COG5: variants seen among roughly 807,000 people sequenced by gnomAD.
COG5 encodes the protein conserved oligomeric Golgi complex subunit 5.
A neutral mutation model predicts 110.4 loss-of-function variants in COG5; 86 were observed. That is an observed-to-expected ratio of 0.78 (90% CI 0.65 to 0.93). The LOEUF (loss-of-function observed/expected upper bound fraction) is 0.93, where lower values mean the gene tolerates loss of function less well. Among genes scored for constraint, COG5 ranks in the 40% least tolerant of loss-of-function variants. The pLI, the probability that COG5 is intolerant of heterozygous loss-of-function variation, is 0.00. For synonymous variants in COG5, 360 were observed against 334.6 expected (o/e 1.08, Z -0.83); for missense variants, 1,077 against 987.0 (o/e 1.09, Z -1.22).
intron 10 of COG5, among the ~76,000 whole-genome samples, chr7:107,354,352 T>A (rs748618829): frequency 1.3e-5 from 2 of 152,226 alleles, no homozygotes; most frequent in Non-Finnish European, 2.9e-5. Context: ...GTTCAGTTTA[T>A]GAACCCTATA....
intron 11 of COG5, among the ~76,000 whole-genome samples, chr7:107,312,132 T>C (rs919779450): frequency 3.3e-5 from 5 of 152,178 alleles, no homozygotes; most frequent in Non-Finnish European, 5.9e-5. Context: ...GATATTGTTG[T>C]TTGTTTTATA....
At position 107,511,556 on chromosome 7, in the gene COG5, T is replaced by C. The variant is rs544409488; in HGVS notation, c.538+15681A>G. 5.3e-3 allele frequency among the ~76,000 whole-genome samples: 803 copies of C among 152,314 alleles called. 9 individuals carry two copies. The highest frequency in any genetic ancestry group is 0.019 in the African/African-American group (772 of 41,560). On this transcript the variant is annotated intron_variant, in intron 6 of 21. Coordinates refer to ENST00000297135, the MANE Select transcript of COG5 (RefSeq NM_006348.5). ...CCTAACTCACTTTATGAGGCCAGCA[T>C]CATCCTGATACCAAAGCCTGGCAGA...
rs549740444 is a variant in COG5, at chr7:107,221,938, G to A, written c.2168+8677C>T. 5.9e-5 allele frequency among the ~76,000 whole-genome samples: 9 copies of A among 152,178 alleles called. 1 individual carries two copies. The South Asian group carries it at 1.9e-3, about 32-fold the overall frequency. On this transcript the variant is annotated intron_variant, in intron 19 of 21. Coordinates refer to ENST00000297135, the MANE Select transcript of COG5 (RefSeq NM_006348.5). ...GCAATTTAAGTTAGTTTTATGGTTC[G>A]AATATTTACATTTTTCTTTTTTTCT...
At chr7:107,245,285 T>A (rs561879664) in intron 17 of COG5, among the ~76,000 whole-genome samples, 5 of 152,160 alleles carry the variant, frequency 3.3e-5, no homozygotes, top group Non-Finnish European at 7.4e-5. Context: ...CTGGAAGCAA[T>A]CCCCTTGAAA....
At chr7:107,213,314 G>T (rs537995861) in intron 19 of COG5, among the ~76,000 whole-genome samples, 1 of 152,142 alleles carries the variant, frequency 6.6e-6, no homozygotes, top group Non-Finnish European at 1.5e-5. Context: ...GAAGAGAACA[G>T]TGGCTAGACT....
At position 107,208,438 on chromosome 7, in the gene COG5, C is replaced by T. The variant is rs185507253; in HGVS notation, c.2375+2088G>A. 9.8e-5 allele frequency: 97 copies of T among 985,360 alleles called. No individual in the cohort carries two copies. In the African/African-American group the frequency reaches 1.0e-3, roughly 10 times the overall value. 61.0% of individuals were successfully genotyped at this position (985,360 alleles called of 1,614,324 possible). On this transcript the variant is annotated intron_variant, in intron 21 of 21. Transcript: ENST00000297135. ...ATGAACTCATTCCAACTTGTTAAGA[C>T]GACAAAAATGACCAACTTGTTAAGA...
chr7:107,526,383 C>T (rs1190797886), intron 6 of COG5, among the ~76,000 whole-genome samples: 1 of 152,208 alleles, frequency 6.6e-6, no homozygotes, highest in Admixed American at 6.5e-5. Context: ...TTATGAACTG[C>T]TGCATCATGG....
rs1439577856 is a variant in COG5, at chr7:107,256,804, G to A, written c.1687-10C>T. On this transcript the variant is annotated splice_polypyrimidine_tract_variant and intron_variant, in intron 15 of 21. Transcript: ENST00000297135. ...TCTGACTGGAAACAACCTAGAACAA[G>A]GTTTTGATCCAGTTATAGTTTCGCT... 1 of 1,600,658 alleles carries A rather than the reference G, an allele frequency of 6.2e-7. No individual in the cohort carries two copies. The highest frequency in any genetic ancestry group is 2.2e-5 in the East Asian group (1 of 44,738).
chr7:107,409,492 C>T (rs1442615472), intron 7 of COG5, among the ~76,000 whole-genome samples: 1 of 151,770 alleles, frequency 6.6e-6, no homozygotes. Context: ...GAAAAGGAGA[C>T]AGTAAGAGCA....
chr7:107,409,535 A>C (rs1221092405), intron 7 of COG5, among the ~76,000 whole-genome samples: 1 of 152,030 alleles, frequency 6.6e-6, no homozygotes, highest in Non-Finnish European at 1.5e-5. Context: ...AAGTAAACAG[A>C]CTAGGAAATA....
At chr7:107,459,856 T>C (rs150283680) in intron 6 of COG5, among the ~76,000 whole-genome samples, 111 of 151,632 alleles carry the variant, frequency 7.3e-4, no homozygotes, top group South Asian at 2.1e-3. Flanking sequence ...CTAGAGAAGA[T>C]TGTACAATAC....
rs528675056 is a variant in COG5 at position 107,533,954 on chromosome 7, T to C, written c.418-6597A>G. On this transcript the variant is annotated intron_variant, in intron 5 of 21. Transcript: ENST00000297135. Reference sequence around the variant, plus strand: ...ACCCACAAAGGGAAGCCCATCAGACTAACAGCAGATCTCTCTGTAGAAACC... The same window carrying C: ...ACCCACAAAGGGAAGCCCATCAGACCAACAGCAGATCTCTCTGTAGAAACC... Among the ~76,000 whole-genome samples, 39 of 151,770 alleles carry C rather than the reference T, an allele frequency of 2.6e-4. 1 individual carries two copies. Among genetic ancestry groups the C allele is most frequent in the African/African-American group, 9.3e-4 (38 of 41,050 alleles).
At chr7:107,424,505 CTT>C (rs11376252) in intron 6 of COG5, among the ~76,000 whole-genome samples, 4 of 136,046 alleles carry the variant, frequency 2.9e-5, no homozygotes, top group Admixed American at 7.3e-5. Flanking sequence ...CTCAACAAAA[CTT>C]TTTTTTTTTT....
chr7:107,270,849 C>CTAA (rs34030298), intron 14 of COG5, among the ~76,000 whole-genome samples: 21,413 of 134,610 alleles, frequency 0.16, 2,065 homozygotes, highest in Non-Finnish European at 0.22. Flanking sequence ...TATACTTGTG[C>CTAA]TAATATTTTA....
In COG5 at chr7:107,362,059, T is replaced by C. The variant is rs34087251; in HGVS notation, c.1000A>G (p.Ile334Val). The change falls in exon 10 of 22, where the codon ATT (isoleucine) becomes GTT (valine). Residue 334 changes from isoleucine (I) to valine (V), a missense_variant. Transcript: ENST00000297135. ...LAKKRDPVSH[I>V]CFIEEIVKDG... ...TTAACTATTTCTTCAATGAAACAAATGTGAGAAACAGGATCTCTCTTCTTG... is the reference window on the plus strand; with the variant it reads ...TTAACTATTTCTTCAATGAAACAAACGTGAGAAACAGGATCTCTCTTCTTG... 83,978 of 1,605,418 alleles carry C rather than the reference T, an allele frequency of 0.052. 2,358 individuals carry two copies. Among genetic ancestry groups the C allele is most frequent in the African/African-American group, 0.076 (5,659 of 74,894 alleles).
chr7:107,289,227 A>G (rs538397627), intron 12 of COG5, among the ~76,000 whole-genome samples: 17 of 152,036 alleles, frequency 1.1e-4, no homozygotes, highest in African/African-American at 3.9e-4. Flanking sequence ...ATTATTTTGC[A>G]TGTCACTATC....
At chr7:107,316,875 T>C (rs183246036) in intron 11 of COG5, among the ~76,000 whole-genome samples, 90 of 152,038 alleles carry the variant, frequency 5.9e-4, no homozygotes, top group Admixed American at 1.2e-3. Flanking sequence ...GACAAGTAAA[T>C]GGCAGTATCA....
intron 1 of COG5, among the ~76,000 whole-genome samples, chr7:107,562,940 A>G (rs529521338): frequency 2.2e-4 from 33 of 152,374 alleles, no homozygotes; most frequent in African/African-American, 6.0e-4. Context: ...GATATTAAAA[A>G]AAGTTTGCAA....
At chr7:107,440,046 G>A (rs1255238111) in intron 6 of COG5, among the ~76,000 whole-genome samples, 4 of 152,142 alleles carry the variant, frequency 2.6e-5, no homozygotes, top group African/African-American at 9.7e-5. Context: ...GGAAAGGTAG[G>A]CCGAATTTAA....
Sources: gnomAD v4.1 joint callset for allele counts (sites outside exome capture counted in the v4.1 genomes callset) on GRCh38, gnomAD v4.1.1 for gene constraint, MANE v1.5 for transcripts, NCBI Gene and HGNC (gene_info 2026-07-23, HGNC 2026-07-21) for gene names.